CCDC6: variants seen among roughly 807,000 people sequenced by gnomAD.
CCDC6 encodes coiled-coil domain-containing protein 6.
A neutral mutation model predicts 56.6 loss-of-function variants in CCDC6; 20 were observed. The observed-to-expected ratio is 0.35, with a 90% CI of 0.25 to 0.51. The LOEUF is 0.51. Ranked by LOEUF, CCDC6 falls within the 20% of genes least tolerant of loss-of-function variation. The probability of loss-of-function intolerance (pLI) is 0.95; values close to 1 mark genes in which losing one functional copy is unlikely to be tolerated. For synonymous variants in CCDC6, 241 were observed against 234.4 expected, an observed-to-expected ratio of 1.03 and a Z score of -0.26; for missense variants, 367 against 601.1, an observed-to-expected ratio of 0.61 and a Z score of 4.07.
rs2070442022 is a variant in CCDC6 at position 59,788,846 on chromosome 10, C to T, written c.*4071G>A. 4.0e-5 allele frequency: 8 copies of T among 200,786 alleles called. No individual in the cohort carries two copies. Among genetic ancestry groups the T allele is most frequent in the East Asian group, 3.9e-4 (5 of 12,964 alleles). The allele number at this position is 200,786 out of a possible 1,614,324, so 12.4% of individuals were successfully genotyped here. Reference sequence around the variant, plus strand: ...AATCAACATAAAGGAGTAAATAAGACATTAATTGAAAGTCTTACATCTCTC... The same window carrying T: ...AATCAACATAAAGGAGTAAATAAGATATTAATTGAAAGTCTTACATCTCTC... On this transcript the variant is annotated 3_prime_UTR_variant, in exon 9 of 9. Transcript: ENST00000263102.
At chr10:59,851,238 C>T (rs2071036928) in intron 2 of CCDC6, among the ~76,000 whole-genome samples, 1 of 149,696 alleles carries the variant, frequency 6.7e-6, no homozygotes, top group Non-Finnish European at 1.5e-5. Context: ...CCCCATGATT[C>T]TAGAAGCACT....
chr10:59,799,485 T>C (rs1436396812), intron 7 of CCDC6, among the ~76,000 whole-genome samples: 3 of 152,190 alleles, frequency 2.0e-5, no homozygotes, highest in Non-Finnish European at 4.4e-5. Flanking sequence ...CTTCAAACTA[T>C]ATTCTGATGC....
At chr10:59,852,483 A>G in intron 2 of CCDC6, 70 bp downstream of exon 2, 2 of 1,286,556 alleles carry the variant, frequency 1.6e-6, no homozygotes, top group Non-Finnish European at 2.1e-6. Flanking sequence ...GCAAAGTGCT[A>G]TATCAAAGTC....
chr10:59,841,766 C>T (rs1193948387), intron 2 of CCDC6, among the ~76,000 whole-genome samples: 3 of 150,948 alleles, frequency 2.0e-5, no homozygotes. Flanking sequence ...CTCCTGGGTT[C>T]AGGCCATTCT....
At chr10:59,845,346 GTTTTTT>G (rs151236986) in intron 2 of CCDC6, among the ~76,000 whole-genome samples, 6 of 96,958 alleles carry the variant, frequency 6.2e-5, no homozygotes, top group Admixed American at 1.2e-4. Flanking sequence ...GCCCCTATGG[GTTTTTT>G]TTTTTTTTTT....
intron 3 of CCDC6, among the ~76,000 whole-genome samples, chr10:59,816,723 G>T (rs542991960): frequency 6.6e-6 from 1 of 152,136 alleles, no homozygotes; most frequent in African/African-American, 2.4e-5. Context: ...CTGGATATCC[G>T]TTCTATTTCT....
chr10:59,866,171 G>A (rs542238060), intron 1 of CCDC6, among the ~76,000 whole-genome samples: 14 of 152,326 alleles, frequency 9.2e-5, no homozygotes, highest in African/African-American at 2.9e-4. Flanking sequence ...CACTGCATAC[G>A]ACAGACACTG....
intron 1 of CCDC6, among the ~76,000 whole-genome samples, chr10:59,905,176 T>C (rs1184366669): frequency 1.4e-4 from 22 of 152,166 alleles, no homozygotes; most frequent in Admixed American, 1.2e-3. Flanking sequence ...GTACACAGTG[T>C]ACTTTTTCTA....
intron 1 of CCDC6, among the ~76,000 whole-genome samples, chr10:59,862,425 T>C (rs1340194690): frequency 1.3e-5 from 2 of 149,712 alleles, no homozygotes; most frequent in African/African-American, 5.0e-5. Context: ...GAGGCAGAGG[T>C]TGCAGTGAGC....
intron 1 of CCDC6, among the ~76,000 whole-genome samples, chr10:59,881,282 AG>A (rs2071332922): frequency 6.6e-6 from 1 of 152,134 alleles, no homozygotes. Flanking sequence ...GCAATCCCCG[AG>A]AAGTGGGTGT....
rs1312201042 is a variant in CCDC6, at chr10:59,792,603, A to C, written c.*314T>G. ...ACAAACCTAAAAGCCAGGAGAATGA[A>C]GCTCTGGGCCAAGCAAAAATTGCAC... On this transcript the variant is annotated 3_prime_UTR_variant, in exon 9 of 9. Coordinates refer to ENST00000263102, the MANE Select transcript of CCDC6 (RefSeq NM_005436.5). 3.0e-6 allele frequency: 2 copies of C among 671,450 alleles called. No homozygotes were observed. The highest frequency in any genetic ancestry group is 5.6e-6 in the Non-Finnish European group (2 of 358,766). 41.6% of individuals were successfully genotyped at this position (671,450 alleles called of 1,614,324 possible).
chr10:59,870,368 G>A (rs2071217751), intron 1 of CCDC6, among the ~76,000 whole-genome samples: 1 of 152,152 alleles, frequency 6.6e-6, no homozygotes, highest in East Asian at 1.9e-4. Flanking sequence ...GGAGCTCAGA[G>A]TCTAGTAGTT....
intron 6 of CCDC6, among the ~76,000 whole-genome samples, chr10:59,805,806 T>A: frequency 6.6e-6 from 1 of 152,220 alleles, no homozygotes; most frequent in East Asian, 1.9e-4. Flanking sequence ...TATAAAAATA[T>A]AGACTTTCAT....
intron 1 of CCDC6, among the ~76,000 whole-genome samples, chr10:59,856,553 A>G (rs553846351): frequency 1.3e-4 from 20 of 152,068 alleles, no homozygotes; most frequent in Non-Finnish European, 2.9e-4. Flanking sequence ...AAGACTTTTT[A>G]TTTAAGCTGT....
rs541530129 is a variant in CCDC6 at position 59,858,683 on chromosome 10, C to T, written c.304-5981G>A. Among the ~76,000 whole-genome samples, 5 of 152,302 alleles carry T rather than the reference C, an allele frequency of 3.3e-5. No homozygotes were observed. The East Asian group carries it at 9.6e-4, about 29-fold the overall frequency. The stretch of plus-strand genomic sequence containing the variant: ...ACTAGAACACAGCTTTGCATACACA[C>T]CTCATCATGTCAGTTCAAAAACACT... On this transcript the variant is annotated intron_variant, in intron 1 of 8. Transcript: ENST00000263102.
At chr10:59,869,121 A>G (rs1222071000) in intron 1 of CCDC6, among the ~76,000 whole-genome samples, 1 of 152,080 alleles carries the variant, frequency 6.6e-6, no homozygotes, top group Admixed American at 6.6e-5. Flanking sequence ...CATAGGAAAG[A>G]GCACACTTCA....
chr10:59,866,745 A>G (rs2071181068), intron 1 of CCDC6, among the ~76,000 whole-genome samples: 1 of 152,206 alleles, frequency 6.6e-6, no homozygotes, highest in Non-Finnish European at 1.5e-5. Flanking sequence ...TAGTCCTTCT[A>G]TGGTCTAAAC....
intron 1 of CCDC6, among the ~76,000 whole-genome samples, chr10:59,891,412 A>G (rs1463694554): frequency 6.6e-6 from 1 of 152,248 alleles, no homozygotes; most frequent in Non-Finnish European, 1.5e-5. Flanking sequence ...AATAGAAGCT[A>G]TAGAAGACTT....
At chr10:59,873,677 T>C (rs936600699) in intron 1 of CCDC6, among the ~76,000 whole-genome samples, 3 of 152,232 alleles carry the variant, frequency 2.0e-5, no homozygotes, top group Non-Finnish European at 4.4e-5. Flanking sequence ...GATAAGAGAC[T>C]GTGGAGCTAT....
Sources: gnomAD v4.1 joint callset for allele counts (sites outside exome capture counted in the v4.1 genomes callset) on GRCh38, gnomAD v4.1.1 for gene constraint, MANE v1.5 for transcripts, NCBI Gene and HGNC (gene_info 2026-07-23, HGNC 2026-07-21) for gene names.